KLHDC8A: variants seen among roughly 807,000 people sequenced by gnomAD.
The protein encoded by KLHDC8A is kelch domain-containing protein 8A.
KLHDC8A carries 21 observed loss-of-function variants against 33.1 expected under a neutral mutation model. That is an observed-to-expected ratio of 0.64 (90% confidence interval 0.45 to 0.91). KLHDC8A has a LOEUF of 0.91. Among genes scored for constraint, KLHDC8A ranks in the 40% least tolerant of loss-of-function variants. KLHDC8A has a pLI of 0.00. For missense variants in KLHDC8A, 435 were observed against 483.3 expected (o/e 0.90, Z 0.94); for synonymous variants, 173 against 193.5 (o/e 0.89, Z 0.88).
Position 205,337,469 on chromosome 1 carries a change from A to T in KLHDC8A, c.983T>A (p.Leu328His). The change falls in exon 6 of 6, where the codon CTC (leucine) becomes CAC (histidine). Residue 328 changes from leucine to histidine, a missense_variant. Physicochemically the swap from Leu to His is moderately conservative, Grantham distance 99. Transcript: ENST00000367155. ...ACSSIVVKNC[L>H]LAVGGVNQGL... ...CTGGTTGACACCTCCCACGGCGAGG[A>T]GGCAGTTCTTGACGACTATGCTGGA... The T allele has an allele frequency of 6.2e-7, 1 of 1,614,024 alleles. No homozygotes were observed. Among genetic ancestry groups the T allele is most frequent in the Non-Finnish European group, 8.5e-7 (1 of 1,180,010 alleles).
intron 1 of KLHDC8A, 92 bp downstream of exon 1, chr1:205,356,441 C>A: frequency 2.3e-6 from 1 of 438,290 alleles, no homozygotes. Flanking sequence ...GGGCAGCCCT[C>A]CTCTCACAGA....
At chr1:205,345,824 C>T (rs937625696) in intron 1 of KLHDC8A, among the ~76,000 whole-genome samples, 7 of 151,044 alleles carry the variant, frequency 4.6e-5, no homozygotes, top group Admixed American at 2.6e-4. Flanking sequence ...CCTGTAATCC[C>T]AGCACTTTGG....
intron 1 of KLHDC8A, among the ~76,000 whole-genome samples, chr1:205,355,901 A>G (rs990985577): frequency 1.3e-5 from 2 of 152,220 alleles, no homozygotes; most frequent in African/African-American, 4.8e-5. Flanking sequence ...AAGCACAGCA[A>G]TGTGTATGTA....
rs111740439 is a variant in KLHDC8A, at chr1:205,339,381, G to A, written c.570C>T (p.Asn190=). The A allele has an allele frequency of 3.1e-5, 50 of 1,613,924 alleles. No homozygotes were observed. Among genetic ancestry groups the A allele is most frequent in the African/African-American group, 5.3e-5 (4 of 75,066 alleles). ...LGGRQSKYAV[N]AFEVFDIETR... ...TCTCGATGTCAAAGACCTCGAAAGC[G>A]TTGACCGCGTACTTGGACTGTCGTC... Residue 190 remains asparagine (N), a synonymous_variant, in exon 4 of 6, where the codon AAC becomes AAT. Coordinates refer to ENST00000367155, the MANE Select transcript of KLHDC8A (RefSeq NM_018203.3). This position sits in a 1 kb window ranked among gnomAD's most constrained non-coding sequence, Gnocchi z 5.1.
Position 205,337,448 on chromosome 1 carries a change from T to A in KLHDC8A, c.1004A>T (p.Asn335Ile). Reference protein sequence around the residue: ...KNCLLAVGGVNQGLSDAVEAL... With the variant: ...KNCLLAVGGVIQGLSDAVEAL... ...CTCCACTGCGTCACTCAGACCCTGG[T>A]TGACACCTCCCACGGCGAGGAGGCA... The change falls in exon 6 of 6, where the codon AAC becomes ATC. Residue 335 changes from asparagine to isoleucine, a missense_variant. Coordinates refer to ENST00000367155, the MANE Select transcript of KLHDC8A (RefSeq NM_018203.3). 6.2e-7 allele frequency: 1 copy of A among 1,613,880 alleles called. No homozygotes were observed. The highest frequency in any genetic ancestry group is 8.5e-7 in the Non-Finnish European group (1 of 1,179,994).
chr1:205,337,465 G>A lies in KLHDC8A; in HGVS notation c.987C>T (p.Leu329=), dbSNP rs115956445. Residue 329 remains leucine, a synonymous_variant, in exon 6 of 6, where the codon CTC becomes CTT. Transcript: ENST00000367155. ...CSSIVVKNCL[L]AVGGVNQGLS... is the part of the protein sequence containing the mutation. The stretch of plus-strand genomic sequence containing the variant: ...GACCCTGGTTGACACCTCCCACGGC[G>A]AGGAGGCAGTTCTTGACGACTATGC... The A allele has an allele frequency of 2.1e-3, 3,405 of 1,613,980 alleles. 23 individuals are homozygous for A. Among genetic ancestry groups the A allele is most frequent in the African/African-American group, 0.015 (1,111 of 75,022 alleles).
Position 205,338,603 on chromosome 1 carries a change from G to A in KLHDC8A, c.758-7C>T, listed in dbSNP as rs763756203. ...TCCATCTTCAGCCATCCCCCTATAGGCCATGGATAATGGTGGGTTATATAG... is the reference window on the plus strand; with the variant it reads ...TCCATCTTCAGCCATCCCCCTATAGACCATGGATAATGGTGGGTTATATAG... On this transcript the variant is annotated splice_region_variant and splice_polypyrimidine_tract_variant and intron_variant, in intron 4 of 5. Transcript: ENST00000367155. 5.6e-6 allele frequency: 9 copies of A among 1,611,044 alleles called. No homozygotes were observed.
At chr1:205,341,238 C>A (rs914455529) in intron 2 of KLHDC8A, among the ~76,000 whole-genome samples, 1 of 152,160 alleles carries the variant, frequency 6.6e-6, no homozygotes, top group Non-Finnish European at 1.5e-5. Context: ...CAGGGAGCCA[C>A]CCCTGCCCGG....
rs1353211461 is a variant in KLHDC8A at position 205,336,660 on chromosome 1, AG to A, written c.*738del. 1 of 152,724 alleles carries A rather than the reference AG, an allele frequency of 6.5e-6. No homozygotes were observed. Among genetic ancestry groups the A allele is most frequent in the Non-Finnish European group, 1.5e-5 (1 of 68,120 alleles). The allele number at this position is 152,724 out of a possible 1,614,324, so 9.5% of individuals were successfully genotyped here. On this transcript the variant is annotated 3_prime_UTR_variant, in exon 6 of 6. Transcript: ENST00000367155. ...GGGGGCCTTCGGTGACAAAAGGGCT[AG>A]GCCTCTGGTGGGGAGGGGGTGGCAA...
intron 1 of KLHDC8A, among the ~76,000 whole-genome samples, chr1:205,353,790 G>A (rs1056728853): frequency 1.3e-5 from 2 of 152,148 alleles, no homozygotes; most frequent in Non-Finnish European, 2.9e-5. Context: ...ACATTTTGAG[G>A]GCCCTTGTTG....
rs767373137 is a variant in KLHDC8A, at chr1:205,343,648, C to T, written c.-44G>A. The T allele has an allele frequency of 2.1e-5, 32 of 1,517,584 alleles. No homozygotes were observed. In the South Asian group the frequency reaches 4.0e-4, roughly 19 times the overall value. 94.0% of individuals were successfully genotyped at this position (1,517,584 alleles called of 1,614,324 possible). Reference sequence around the variant, plus strand: ...CCGGGCGCCGGGAGAGGTGCGAGCGCGGGGGTCCACCGGCTACTTGGCGCC... The same window carrying T: ...CCGGGCGCCGGGAGAGGTGCGAGCGTGGGGGTCCACCGGCTACTTGGCGCC... On this transcript the variant is annotated 5_prime_UTR_variant, in exon 2 of 6. Coordinates refer to ENST00000367155, the MANE Select transcript of KLHDC8A (RefSeq NM_018203.3).
At position 205,339,710 on chromosome 1, in the gene KLHDC8A, C is replaced by T; in HGVS notation, c.475G>A (p.Ala159Thr). ...DMLKDMWVSL[A>T]PMPTPRYAAT... Reference sequence around the variant, plus strand: ...GCATATCTCGGGGTGGGCATGGGTGCTAGGGACACCCACATGTCCTTCAGC... The same window carrying T: ...GCATATCTCGGGGTGGGCATGGGTGTTAGGGACACCCACATGTCCTTCAGC... Residue 159 changes from alanine (A) to threonine (T), a missense_variant, in exon 3 of 6, where the codon GCA becomes ACA. Ala to Thr is a moderately conservative substitution (Grantham distance 58, BLOSUM62 0). Transcript: ENST00000367155. The surrounding 1 kb of genome is among the most constrained non-coding windows in gnomAD (Gnocchi z 5.1). 6.2e-7 allele frequency: 1 copy of T among 1,614,014 alleles called. No homozygotes were observed. Among genetic ancestry groups the T allele is most frequent in the Non-Finnish European group, 8.5e-7 (1 of 1,179,894 alleles).
At chr1:205,351,267 C>T (rs1336815151) in intron 1 of KLHDC8A, 17 of 832,948 alleles carry the variant, frequency 2.0e-5, no homozygotes, top group African/African-American at 5.0e-5. Context: ...CTCACCCTCC[C>T]GAGCTGAAAA....
chr1:205,352,541 C>G (rs1278344444), intron 1 of KLHDC8A, among the ~76,000 whole-genome samples: 3 of 152,346 alleles, frequency 2.0e-5, no homozygotes, highest in African/African-American at 7.2e-5. Flanking sequence ...AGCAAGGTTG[C>G]CATCTGGCGT....
In KLHDC8A at chr1:205,339,588, G is replaced by A. The variant is rs1662732583; in HGVS notation, c.541+56C>T. On this transcript the variant is annotated intron_variant, in intron 3 of 5. Transcript: ENST00000367155. The surrounding 1 kb of genome is among the most constrained non-coding windows in gnomAD (Gnocchi z 5.1). ...CAGCACACAGGCACTGCTTCCTATGGGAACTGAGCCAAGGGAAGGAAGGAG... is the reference window on the plus strand; with the variant it reads ...CAGCACACAGGCACTGCTTCCTATGAGAACTGAGCCAAGGGAAGGAAGGAG... 1.3e-6 allele frequency: 2 copies of A among 1,584,382 alleles called. No individual in the cohort carries two copies. Among genetic ancestry groups the A allele is most frequent in the African/African-American group, 1.3e-5 (1 of 74,380 alleles).
chr1:205,341,841 G>C (rs1035119030), intron 2 of KLHDC8A, among the ~76,000 whole-genome samples: 1 of 152,004 alleles, frequency 6.6e-6, no homozygotes, highest in Non-Finnish European at 1.5e-5. Flanking sequence ...TAGTAGAGAC[G>C]GGTTTCACCA....
chr1:205,345,391 C>G (rs1306581861), intron 1 of KLHDC8A, among the ~76,000 whole-genome samples: 4 of 152,174 alleles, frequency 2.6e-5, no homozygotes, highest in Non-Finnish European at 5.9e-5. Flanking sequence ...TCTTACAAAA[C>G]TATAGCACAG....
chr1:205,354,234 C>CT (rs1663200934), intron 1 of KLHDC8A, among the ~76,000 whole-genome samples: 2 of 152,226 alleles, frequency 1.3e-5, no homozygotes, highest in Admixed American at 6.5e-5. Context: ...TTTCCTCAAC[C>CT]TTTGCTATCT....
chr1:205,353,084 G>T (rs754250539), intron 1 of KLHDC8A, among the ~76,000 whole-genome samples: 1 of 152,164 alleles, frequency 6.6e-6, no homozygotes, highest in Non-Finnish European at 1.5e-5. Flanking sequence ...TGGGAATTAT[G>T]TTCTGAGAGA....
Sources: gnomAD v4.1 joint callset for allele counts (sites outside exome capture counted in the v4.1 genomes callset) on GRCh38, gnomAD v4.1.1 for gene constraint, Gnocchi (gnomAD v3.1) non-coding constraint, MANE v1.5 for transcripts, NCBI Gene and HGNC (gene_info 2026-07-23, HGNC 2026-07-21) for gene names.